SMIM31: variants seen among roughly 807,000 people sequenced by gnomAD.
SMIM31 encodes human epithelial cell program regulator.
intron 1 of SMIM31, among the ~76,000 whole-genome samples, chr4:164,764,683 G>A (rs1180577643): frequency 6.6e-6 from 1 of 152,086 alleles, no homozygotes; most frequent in East Asian, 1.9e-4. Flanking sequence ...ACTTTAGAGG[G>A]ATTTGGAAGT....
At chr4:164,783,456 G>A (rs966193697) in intron 2 of SMIM31, among the ~76,000 whole-genome samples, 1 of 149,782 alleles carries the variant, frequency 6.7e-6, no homozygotes, top group African/African-American at 2.5e-5. Context: ...CACAGGAAGC[G>A]AAGGTTACAG....
In SMIM31 at chr4:164,801,387, C is replaced by A; in HGVS notation, c.*193C>A. 4.6e-5 allele frequency: 16 copies of A among 344,950 alleles called. No homozygotes were observed. Among genetic ancestry groups the A allele is most frequent in the Non-Finnish European group, 6.7e-5 (13 of 194,040 alleles). The allele number at this position is 344,950 out of a possible 1,614,324, so 21.4% of individuals were successfully genotyped here. A position where few individuals can be genotyped will look rare whatever the true frequency, so the allele number is the denominator to read the frequency against. ...CACATTTCTGGGACTCAGCATTATC[C>A]AAAATATCTATTAAGAGCCATACAC... On this transcript the variant is annotated 3_prime_UTR_variant, in exon 3 of 3. Transcript: ENST00000507311.
At chr4:164,800,437 G>A (rs1002808651) in intron 2 of SMIM31, among the ~76,000 whole-genome samples, 2 of 151,990 alleles carry the variant, frequency 1.3e-5, no homozygotes, top group Admixed American at 6.6e-5. Context: ...TGAACTCCTG[G>A]GTTCAAGTAA....
chr4:164,789,114 T>C (rs1388558300), intron 2 of SMIM31, among the ~76,000 whole-genome samples: 5 of 152,240 alleles, frequency 3.3e-5, no homozygotes. Flanking sequence ...TGGATATTTT[T>C]CCTTACACAC....
At position 164,776,206 on chromosome 4, in the gene SMIM31, C is replaced by T. The variant is rs1442791044; in HGVS notation, c.112+5651C>T. On this transcript the variant is annotated intron_variant, in intron 2 of 2. Transcript: ENST00000507311. ...ATCAGTCTAACCCAAAATGAACTCCCTCTCTGTGGAACTTTCATAGAGCAT... is the reference window on the plus strand; with the variant it reads ...ATCAGTCTAACCCAAAATGAACTCCTTCTCTGTGGAACTTTCATAGAGCAT... Among the ~76,000 whole-genome samples the T allele has an allele frequency of 2.0e-5, 3 of 152,158 alleles. No individual in the cohort carries two copies. In the East Asian group the frequency reaches 5.8e-4, roughly 29 times the overall value.
intron 1 of SMIM31, among the ~76,000 whole-genome samples, chr4:164,756,438 G>A (rs1427457032): frequency 6.6e-6 from 1 of 151,920 alleles, no homozygotes; most frequent in African/African-American, 2.4e-5. Flanking sequence ...CAGGTGTGGT[G>A]GTGGGCGCCT....
In SMIM31 at chr4:164,758,622, C is replaced by CTTTTTTTTTTTTTTTTTTTTT. The variant is rs779023276; in HGVS notation, c.-26+4218_-26+4219insTTTTTTTTTTTTTTTTTTTTT. ...GGAAATGACCATATATGTAGTTTTC[C>CTTTTTTTTTTTTTTTTTTTTT]TTTTTTTGTTTTTTTTTTTTTTTTT... On this transcript the variant is annotated intron_variant, in intron 1 of 2. Transcript: ENST00000507311. Among the ~76,000 whole-genome samples the CTTTTTTTTTTTTTTTTTTTTT allele has an allele frequency of 2.8e-5, 3 of 105,386 alleles. 1 individual carries two copies. Among genetic ancestry groups the CTTTTTTTTTTTTTTTTTTTTT allele is most frequent in the Non-Finnish European group, 5.8e-5 (3 of 51,330 alleles). 69.1% of individuals were successfully genotyped at this position (105,386 alleles called of 152,430 possible).
At chr4:164,778,367 T>C (rs1732904807) in intron 2 of SMIM31, among the ~76,000 whole-genome samples, 1 of 152,114 alleles carries the variant, frequency 6.6e-6, no homozygotes, top group African/African-American at 2.4e-5. Context: ...CTCATTCTTC[T>C]CCAAAATCAA....
At chr4:164,780,526 C>T (rs1038277487) in intron 2 of SMIM31, among the ~76,000 whole-genome samples, 1 of 152,200 alleles carries the variant, frequency 6.6e-6, no homozygotes, top group African/African-American at 2.4e-5. Flanking sequence ...CTTTGTAGAT[C>T]AATGAATCCT....
At chr4:164,757,114 G>A (rs937575922) in intron 1 of SMIM31, among the ~76,000 whole-genome samples, 5 of 152,140 alleles carry the variant, frequency 3.3e-5, no homozygotes, top group African/African-American at 9.7e-5. Flanking sequence ...TATGTTAGTG[G>A]TTAGGCAATG....
chr4:164,787,852 C>T (rs1733046741), intron 2 of SMIM31, among the ~76,000 whole-genome samples: 1 of 152,156 alleles, frequency 6.6e-6, no homozygotes, highest in African/African-American at 2.4e-5. Flanking sequence ...AACATAGCAT[C>T]GCTTTCTGAT....
chr4:164,785,204 G>A (rs918785637), intron 2 of SMIM31, among the ~76,000 whole-genome samples: 3 of 150,848 alleles, frequency 2.0e-5, no homozygotes, highest in Non-Finnish European at 4.4e-5. Flanking sequence ...CCAGCCTGGC[G>A]ACAGAGCAAG....
chr4:164,793,093 G>A (rs1188863673), intron 2 of SMIM31, among the ~76,000 whole-genome samples: 1 of 152,108 alleles, frequency 6.6e-6, no homozygotes, highest in Non-Finnish European at 1.5e-5. Flanking sequence ...ATTACATTAA[G>A]CAAATATACA....
At chr4:164,782,319 T>C (rs1014577568) in intron 2 of SMIM31, among the ~76,000 whole-genome samples, 5 of 150,072 alleles carry the variant, frequency 3.3e-5, no homozygotes, top group Non-Finnish European at 7.4e-5. Flanking sequence ...TTACCCTACA[T>C]ACATTTTAAA....
intron 1 of SMIM31, among the ~76,000 whole-genome samples, chr4:164,760,128 G>A (rs577938336): frequency 2.0e-5 from 3 of 152,260 alleles, no homozygotes; most frequent in African/African-American, 4.8e-5. Context: ...AGGAAATGAC[G>A]GGGAGGAAAG....
chr4:164,795,226 C>G (rs900784013), intron 2 of SMIM31, among the ~76,000 whole-genome samples: 2 of 152,140 alleles, frequency 1.3e-5, no homozygotes, highest in Non-Finnish European at 2.9e-5. Context: ...ATCACTGAGC[C>G]TCAGTTTTGT....
At chr4:164,755,412 G>A (rs189714890) in intron 1 of SMIM31, among the ~76,000 whole-genome samples, 1,725 of 149,904 alleles carry the variant, frequency 0.012, 26 homozygotes, top group African/African-American at 0.038. Context: ...CCCAGGAGGC[G>A]GAGGTTACCA....
intron 2 of SMIM31, among the ~76,000 whole-genome samples, chr4:164,788,974 G>A (rs1232598331): frequency 6.6e-6 from 1 of 151,968 alleles, no homozygotes; most frequent in African/African-American, 2.4e-5. Flanking sequence ...CTGGAAAATT[G>A]AGTTCTGAGA....
At chr4:164,787,555 A>C (rs1377096671) in intron 2 of SMIM31, among the ~76,000 whole-genome samples, 1 of 47,310 alleles carries the variant, frequency 2.1e-5, no homozygotes, top group Non-Finnish European at 4.2e-5. Flanking sequence ...TTTTTTTTTT[A>C]AAGCTAAAAC....
Sources: allele counts gnomAD v4.1 joint callset (sites outside exome capture counted in the v4.1 genomes callset), GRCh38; gene constraint gnomAD v4.1.1; transcripts MANE v1.5; gene names NCBI Gene and HGNC (gene_info 2026-07-23, HGNC 2026-07-21).